Variants in CRYBA4 observed in about 807,000 individuals in gnomAD.
CRYBA4 encodes the protein crystallin beta A4.
A neutral mutation model predicts 31.7 loss-of-function variants in CRYBA4; 30 were observed. The observed-to-expected ratio is 0.95, with a 90% CI of 0.71 to 1.28. The LOEUF (loss-of-function observed/expected upper bound fraction) is 1.28, where lower values mean the gene tolerates loss of function less well. Ranked by LOEUF, CRYBA4 falls within the 50% of genes most tolerant of loss-of-function variation. The pLI is 0.00. For synonymous variants in CRYBA4, 102 were observed against 102.3 expected (o/e 1.00, Z 0.02); for missense variants, 225 against 260.7 (o/e 0.86, Z 0.94).
chr22:26,612,064 G>C, the CRYBA4 span: 7 of 1,602,318 alleles, frequency 4.4e-6, no homozygotes, highest in Admixed American at 5.0e-5. Flanking sequence ...CCGCCGCCCA[G>C]TACTCACGGT....
the CRYBA4 span, among the ~76,000 whole-genome samples, chr22:26,609,475 T>C: frequency 6.6e-6 from 1 of 151,996 alleles, no homozygotes; most frequent in African/African-American, 2.4e-5. Flanking sequence ...GATGAATGGA[T>C]GCATGGATAA....
chr22:26,605,614 C>T, the CRYBA4 span, among the ~76,000 whole-genome samples: 3 of 136,638 alleles, frequency 2.2e-5, no homozygotes, highest in South Asian at 7.0e-4. Flanking sequence ...GTGAAGGTTG[C>T]AGTGAGCCAG....
the CRYBA4 span, chr22:26,616,030 G>T: frequency 2.3e-6 from 2 of 856,918 alleles, no homozygotes; most frequent in Non-Finnish European, 4.0e-6. Context: ...AGGAGAAAGA[G>T]GTGCGGAGGA....
chr22:26,599,520 G>C, the CRYBA4 span: 17 of 1,613,322 alleles, frequency 1.1e-5, no homozygotes, highest in African/African-American at 2.0e-4. Flanking sequence ...CCAGGACAGG[G>C]AAGGACCCCT....
chr22:26,627,510 TTCTTTCTTTCTTTC>T (rs1477084357), intron 4 of CRYBA4, among the ~76,000 whole-genome samples: 9 of 110,190 alleles, frequency 8.2e-5, no homozygotes, highest in South Asian at 2.9e-4. Flanking sequence ...CTTTCTTTCT[TTCTTTCTTTCTTTC>T]TCTTTCTTTC....
chr22:26,628,189 T>C (rs1929808402), intron 4 of CRYBA4, 99 bp from the exon 5 acceptor site: 4 of 1,565,530 alleles, frequency 2.6e-6, no homozygotes, highest in Non-Finnish European at 3.5e-6. Context: ...CAAGGAAGGC[T>C]GATTTGGGAG....
At chr22:26,590,531 C>T in the CRYBA4 span, among the ~76,000 whole-genome samples, 6 of 152,312 alleles carry the variant, frequency 3.9e-5, no homozygotes, top group African/African-American at 9.6e-5. Context: ...TATAGTCATA[C>T]ACACCAGTGG....
the CRYBA4 span, chr22:26,612,027 T>C: frequency 4.2e-6 from 6 of 1,421,482 alleles, no homozygotes; most frequent in African/African-American, 1.4e-5. Flanking sequence ...TGTGTGGTCA[T>C]TTTACTGTGG....
At chr22:26,597,167 C>A in the CRYBA4 span, among the ~76,000 whole-genome samples, 1 of 152,116 alleles carries the variant, frequency 6.6e-6, no homozygotes, top group Non-Finnish European at 1.5e-5. Context: ...TGTCATGAGG[C>A]CCTATCTTTC....
At chr22:26,592,019 A>G in the CRYBA4 span, among the ~76,000 whole-genome samples, 3 of 152,188 alleles carry the variant, frequency 2.0e-5, no homozygotes, top group East Asian at 1.9e-4. Context: ...CATGTGTCCA[A>G]TAAATAGTTA....
the CRYBA4 span, among the ~76,000 whole-genome samples, chr22:26,605,165 A>G: frequency 1.3e-5 from 2 of 152,142 alleles, no homozygotes; most frequent in African/African-American, 4.8e-5. Flanking sequence ...TCCCACCTCT[A>G]ACAATATCTG....
At chr22:26,627,400 CTTT>C (rs1569211691) in intron 4 of CRYBA4, among the ~76,000 whole-genome samples, 15 of 78,598 alleles carry the variant, frequency 1.9e-4, no homozygotes, top group East Asian at 5.4e-4. Context: ...TTCTTTCTTT[CTTT>C]CTTTCTTTCT....
chr22:26,611,913 T>C, the CRYBA4 span, among the ~76,000 whole-genome samples: 4 of 152,138 alleles, frequency 2.6e-5, no homozygotes, highest in African/African-American at 7.2e-5. Flanking sequence ...TTGAGAACAA[T>C]TCCTCCCTCT....
intron 4 of CRYBA4, 52 bp from the exon 5 acceptor site, chr22:26,628,236 T>C: frequency 6.2e-7 from 1 of 1,613,124 alleles, no homozygotes; most frequent in South Asian, 1.1e-5. Context: ...GAGAGGCTCC[T>C]GGGTTTCCAA....
chr22:26,614,305 G>A, the CRYBA4 span, among the ~76,000 whole-genome samples: 1 of 152,128 alleles, frequency 6.6e-6, no homozygotes, highest in East Asian at 1.9e-4. Flanking sequence ...GCAGCTTGTG[G>A]GGCATCACGG....
chr22:26,625,826 T>A (rs1929687000), intron 4 of CRYBA4, among the ~76,000 whole-genome samples: 1 of 152,176 alleles, frequency 6.6e-6, no homozygotes, highest in African/African-American at 2.4e-5. Flanking sequence ...GAAGAACGTA[T>A]AACATCTGAC....
intron 4 of CRYBA4, among the ~76,000 whole-genome samples, chr22:26,626,498 A>G (rs1039429647): frequency 2.6e-5 from 4 of 152,274 alleles, no homozygotes; most frequent in African/African-American, 9.6e-5. Context: ...TTAAAATGAC[A>G]TAAGTCACCA....
intron 3 of CRYBA4, among the ~76,000 whole-genome samples, chr22:26,623,638 G>A (rs977005946): frequency 3.7e-4 from 56 of 152,150 alleles, no homozygotes; most frequent in Admixed American, 2.4e-3. Flanking sequence ...CCTCCCAGCC[G>A]TAAATTGAAA....
the CRYBA4 span, among the ~76,000 whole-genome samples, chr22:26,613,532 A>G: frequency 2.0e-4 from 31 of 152,356 alleles, no homozygotes; most frequent in East Asian, 1.9e-4. Context: ...CTTTACTGCA[A>G]TCTGTAAACA....
Sources: allele counts gnomAD v4.1 joint callset (sites outside exome capture counted in the v4.1 genomes callset), GRCh38; gene constraint gnomAD v4.1.1; transcripts MANE v1.5; gene names NCBI Gene and HGNC (gene_info 2026-07-23, HGNC 2026-07-21).